Variants in ZNF775 observed in about 807,000 individuals in gnomAD.
The protein encoded by ZNF775 is zinc finger protein 775.
Under a neutral mutation model 2.4 loss-of-function variants are expected in ZNF775, and 1 was observed. The observed-to-expected ratio is 0.41, with a 90% CI of 0.15 to 1.94. The LOEUF (loss-of-function observed/expected upper bound fraction) is 1.94. Among genes scored for constraint, ZNF775 ranks in the 30% most tolerant of loss-of-function variants. The pLI is 0.30. For missense variants in ZNF775, 823 were observed against 826.6 expected, an observed-to-expected ratio of 1.00 and a Z score of 0.05; for synonymous variants, 381 against 373.3, an observed-to-expected ratio of 1.02 and a Z score of -0.24.
rs759623914 is a variant in ZNF775, at chr7:150,396,707, C to T, written c.226C>T (p.Pro76Ser). ...GGAGTCTGGGAGTCCAAGGTGGGCC[C>T]CTCCCACTGAGCAGGATGCGGGGCT... ...QEESGSPRWA[P>S]PTEQDAGLAG... Residue 76 changes from proline (P) to serine (S), a missense_variant, in exon 3 of 3, where the codon CCT becomes TCT. By Grantham distance (74) the Pro-to-Ser change is moderately conservative. Coordinates refer to ENST00000329630, the MANE Select transcript of ZNF775 (RefSeq NM_173680.4). The T allele has an allele frequency of 5.9e-5, 95 of 1,602,376 alleles. 1 individual carries two copies. The Middle Eastern group carries it at 2.3e-3, about 39-fold the overall frequency.
At chr7:150,388,692 T>C (rs773614135) in intron 2 of ZNF775, among the ~76,000 whole-genome samples, 191 bp downstream of exon 2, 3 of 152,220 alleles carry the variant, frequency 2.0e-5, no homozygotes, top group Admixed American at 6.5e-5. Context: ...TGACAGAGGC[T>C]GTGGGAGCTC....
At chr7:150,390,808 A>G (rs1336708427) in intron 2 of ZNF775, among the ~76,000 whole-genome samples, 1 of 152,128 alleles carries the variant, frequency 6.6e-6, no homozygotes, top group Non-Finnish European at 1.5e-5. Context: ...AACACGTGGG[A>G]TGGAATTGCT....
intron 2 of ZNF775, 70 bp from the exon 3 acceptor site, chr7:150,396,443 C>T: frequency 6.7e-7 from 1 of 1,484,178 alleles, no homozygotes; most frequent in Non-Finnish European, 8.9e-7. Flanking sequence ...TCTCTTGCTC[C>T]TTCTCTCCAT....
At position 150,390,734 on chromosome 7, in the gene ZNF775, G is replaced by T. The variant is rs115306526; in HGVS notation, c.31+2233G>T. On this transcript the variant is annotated intron_variant, in intron 2 of 2. Transcript: ENST00000329630. ...TTTTCCATTGTTTGCTGATTACAAA[G>T]AACACTTCAGTGAATATTCCTGGAC... Among the ~76,000 whole-genome samples, 652 of 152,284 alleles carry T rather than the reference G, an allele frequency of 4.3e-3. 5 individuals are homozygous for T. The highest frequency in any genetic ancestry group is 0.015 in the African/African-American group (614 of 41,544).
At chr7:150,394,522 C>T (rs1400979229) in intron 2 of ZNF775, among the ~76,000 whole-genome samples, 1 of 152,150 alleles carries the variant, frequency 6.6e-6, no homozygotes, top group African/African-American at 2.4e-5. Flanking sequence ...TTTGTTTCTA[C>T]CTGTAATGGG....
Position 150,398,138 on chromosome 7 carries a change from T to C in ZNF775, c.*43T>C. 1 of 1,530,990 alleles carries C rather than the reference T, an allele frequency of 6.5e-7. No individual in the cohort carries two copies. The highest frequency in any genetic ancestry group is 8.7e-7 in the Non-Finnish European group (1 of 1,144,504). 94.8% of individuals were successfully genotyped at this position (1,530,990 alleles called of 1,614,324 possible). A position where few individuals can be genotyped will look rare whatever the true frequency, so the allele number is the denominator to read the frequency against. ...GACCCGTGGTGGTGCGGGGGATGTT[T>C]GCGGGGTGTGTGTGGGGAGTGGGGG... On this transcript the variant is annotated 3_prime_UTR_variant, in exon 3 of 3. Coordinates refer to ENST00000329630, the MANE Select transcript of ZNF775 (RefSeq NM_173680.4).
chr7:150,398,264 G>T lies in ZNF775; in HGVS notation c.*169G>T, dbSNP rs138797463. ...CAGTTCTAGAAGCGTCCCAAAGGGTGCTGGGAAAGGTCCCAGCGTGGGTTG... is the reference window on the plus strand; with the variant it reads ...CAGTTCTAGAAGCGTCCCAAAGGGTTCTGGGAAAGGTCCCAGCGTGGGTTG... On this transcript the variant is annotated 3_prime_UTR_variant, in exon 3 of 3. Transcript: ENST00000329630. 6.9e-6 allele frequency: 8 copies of T among 1,151,226 alleles called. No individual in the cohort carries two copies. In the East Asian group the frequency reaches 2.2e-4, roughly 32 times the overall value. 71.3% of individuals were successfully genotyped at this position (1,151,226 alleles called of 1,614,324 possible).
intron 1 of ZNF775, among the ~76,000 whole-genome samples, chr7:150,380,506 G>T (rs747577296): frequency 1.4e-4 from 22 of 152,152 alleles, no homozygotes; most frequent in Non-Finnish European, 3.1e-4. Flanking sequence ...AGGCTTCCTG[G>T]TCAAAGCGAT....
intron 1 of ZNF775, among the ~76,000 whole-genome samples, chr7:150,385,963 T>A (rs1800445028): frequency 4.6e-5 from 6 of 131,410 alleles, no homozygotes. Flanking sequence ...GAAGGCTTAT[T>A]TAGCTTTTTT....
chr7:150,390,637 T>C (rs1340108432), intron 2 of ZNF775, among the ~76,000 whole-genome samples: 3 of 152,260 alleles, frequency 2.0e-5, no homozygotes, highest in African/African-American at 7.2e-5. Flanking sequence ...ACATAGTTCT[T>C]TTCCATTCTT....
At position 150,398,054 on chromosome 7, in the gene ZNF775, C is replaced by T. The variant is rs1335130868; in HGVS notation, c.1573C>T (p.Arg525Cys). ...CCTGCTCAAGCACCAGCGCGTGCAC[C>T]GCGCGGCCCCTGCGTGCAGCCCCAA... is the stretch of plus-strand genomic sequence containing the variant. ...QHLLKHQRVH[R>C]AAPACSPKEE... Residue 525 changes from arginine (R) to cysteine (C), a missense_variant, in exon 3 of 3, where the codon CGC becomes TGC. Coordinates refer to ENST00000329630, the MANE Select transcript of ZNF775 (RefSeq NM_173680.4). The T allele has an allele frequency of 2.6e-6, 4 of 1,566,436 alleles. No homozygotes were observed. The highest frequency in any genetic ancestry group is 2.3e-5 in the South Asian group (2 of 87,328).
At position 150,382,426 on chromosome 7, in the gene ZNF775, G is replaced by C; in HGVS notation, c.-50+3034G>C. Among the ~76,000 whole-genome samples, 1 of 152,174 alleles carries C rather than the reference G, an allele frequency of 6.6e-6. No individual in the cohort carries two copies. Among genetic ancestry groups the C allele is most frequent in the East Asian group, 1.9e-4 (1 of 5,186 alleles). ...GGCCAGGGACTAGCAGCGGCTCAGT[G>C]GTGGGTGGGCTGGGACTTGGGGTTC... On this transcript the variant is annotated intron_variant, in intron 1 of 2. Transcript: ENST00000329630. This position sits in a 1 kb window ranked among gnomAD's most constrained non-coding sequence, Gnocchi z 4.6.
chr7:150,398,109 A>T lies in ZNF775; in HGVS notation c.*14A>T. 1 of 1,540,380 alleles carries T rather than the reference A, an allele frequency of 6.5e-7. No homozygotes were observed. The highest frequency in any genetic ancestry group is 8.7e-7 in the Non-Finnish European group (1 of 1,147,808). On this transcript the variant is annotated 3_prime_UTR_variant, in exon 3 of 3. Coordinates refer to ENST00000329630, the MANE Select transcript of ZNF775 (RefSeq NM_173680.4). Reference sequence around the variant, plus strand: ...GAGGCGCGCTAGTGGACTGGACCTCAGCGGACCCGTGGTGGTGCGGGGGAT... The same window carrying T: ...GAGGCGCGCTAGTGGACTGGACCTCTGCGGACCCGTGGTGGTGCGGGGGAT...
Position 150,396,570 on chromosome 7 carries a change from T to C in ZNF775, c.89T>C (p.Leu30Pro), listed in dbSNP as rs551433326. 2.6e-5 allele frequency: 42 copies of C among 1,606,052 alleles called. No individual in the cohort carries two copies. The highest frequency in any genetic ancestry group is 8.5e-5 in the Admixed American group (5 of 59,136). Residue 30 changes from leucine to proline, a missense_variant, in exon 3 of 3, where the codon CTG becomes CCG. Physicochemically the swap from Leu to Pro is moderately conservative, Grantham distance 98. Coordinates refer to ENST00000329630, the MANE Select transcript of ZNF775 (RefSeq NM_173680.4). ...QEKPERLLQT[L>P]APQAMLVEKD... ...AAGCCGGAGCGGCTGCTGCAGACGC[T>C]GGCGCCGCAGGCCATGCTTGTGGAG...
chr7:150,381,272 T>C (rs12112752), intron 1 of ZNF775, among the ~76,000 whole-genome samples: 10,490 of 152,068 alleles, frequency 0.069, 1,228 homozygotes, highest in African/African-American at 0.24. Context: ...AGGAGGTACC[T>C]CAGGATCATG....
chr7:150,389,756 TG>T (rs1191539647), intron 2 of ZNF775, among the ~76,000 whole-genome samples: 2 of 152,174 alleles, frequency 1.3e-5, no homozygotes, highest in African/African-American at 4.8e-5. Flanking sequence ...CGGAGGCACG[TG>T]GGGACTGGCC....
intron 2 of ZNF775, among the ~76,000 whole-genome samples, chr7:150,390,488 C>T (rs1800543430): frequency 6.6e-6 from 1 of 152,192 alleles, no homozygotes; most frequent in African/African-American, 2.4e-5. Flanking sequence ...TGGTGTGACT[C>T]ATCCTGGATC....
chr7:150,383,489 A>T (rs963055775), intron 1 of ZNF775, among the ~76,000 whole-genome samples: 2 of 152,146 alleles, frequency 1.3e-5, no homozygotes, highest in Non-Finnish European at 2.9e-5. Flanking sequence ...GCAGTCAGGT[A>T]TGGGCTGCAG....
intron 1 of ZNF775, among the ~76,000 whole-genome samples, chr7:150,385,261 T>C (rs1800429977): frequency 6.6e-6 from 1 of 152,242 alleles, no homozygotes; most frequent in Non-Finnish European, 1.5e-5. Flanking sequence ...CAGGCCCCTG[T>C]TGGGGAAATA....
Sources: allele counts gnomAD v4.1 joint callset (sites outside exome capture counted in the v4.1 genomes callset), GRCh38; gene constraint gnomAD v4.1.1; non-coding constraint Gnocchi (gnomAD v3.1); transcripts MANE v1.5; gene names NCBI Gene and HGNC (gene_info 2026-07-23, HGNC 2026-07-21).